The following ATRN variants were observed in gnomAD, a reference collection of about 807,000 sequenced individuals.
The protein encoded by ATRN is attractin-2.
Under a neutral mutation model 178.7 loss-of-function variants are expected in ATRN, and 54 were observed. That is an observed-to-expected ratio of 0.30 (90% CI 0.24 to 0.38). ATRN has a LOEUF of 0.38. Among genes scored for constraint, ATRN ranks in the 10% least tolerant of loss-of-function variants. ATRN has a pLI of 1.00. For missense variants in ATRN, 1,443 were observed against 1,815.1 expected, an observed-to-expected ratio of 0.79 and a Z score of 3.73; for synonymous variants, 636 against 663.0, an observed-to-expected ratio of 0.96 and a Z score of 0.63.
chr20:3,590,498 C>CTG (rs1260031138), intron 18 of ATRN, among the ~76,000 whole-genome samples: 1 of 152,206 alleles, frequency 6.6e-6, no homozygotes, highest in Non-Finnish European at 1.5e-5. Context: ...GTCCAAGCTT[C>CTG]ATATACCTTT....
Position 3,476,711 on chromosome 20 carries a change from T to TTAGCCAG in ATRN, c.410+5195_410+5201dup, listed in dbSNP as rs796996563. ...CCGTCTCCACTAAAAATTCAAAAAA[T>TTAGCCAG]TAGCCAGGCATGGTGGCGAGCGCCT... On this transcript the variant is annotated intron_variant, in intron 1 of 28. Coordinates refer to ENST00000262919, the MANE Select transcript of ATRN (RefSeq NM_139321.3). 3.3e-5 allele frequency among the ~76,000 whole-genome samples: 5 copies of TTAGCCAG among 152,170 alleles called. No individual in the cohort carries two copies. In the South Asian group the frequency reaches 1.0e-3, roughly 32 times the overall value.
At chr20:3,574,704 T>C (rs1218627234) in intron 12 of ATRN, among the ~76,000 whole-genome samples, 3 of 152,214 alleles carry the variant, frequency 2.0e-5, no homozygotes, top group Non-Finnish European at 4.4e-5. Context: ...TTATAGGAAA[T>C]AGTGTTGAAT....
chr20:3,493,148 G>GTA (rs961002417), intron 1 of ATRN, among the ~76,000 whole-genome samples: 12 of 116,708 alleles, frequency 1.0e-4, no homozygotes, highest in African/African-American at 3.7e-4. Context: ...GTGTGTGTGT[G>GTA]TATAATTAAA....
At chr20:3,634,422 C>T in intron 26 of ATRN, 33 bp downstream of exon 26, 1 of 1,580,444 alleles carries the variant, frequency 6.3e-7, no homozygotes, top group Non-Finnish European at 8.7e-7. Context: ...TAAAGAATCC[C>T]TGGAAGAGCT....
intron 3 of ATRN, among the ~76,000 whole-genome samples, chr20:3,543,947 T>A (rs2085661674): frequency 6.6e-6 from 1 of 152,110 alleles, no homozygotes; most frequent in South Asian, 2.1e-4. Flanking sequence ...GGTGGGAAGA[T>A]TTCTTGAGCC....
At chr20:3,551,828 C>T (rs1313640816) in intron 6 of ATRN, among the ~76,000 whole-genome samples, 1 of 152,136 alleles carries the variant, frequency 6.6e-6, no homozygotes, top group Non-Finnish European at 1.5e-5. Flanking sequence ...TCCCCTTCAC[C>T]TATATCTGTG....
chr20:3,525,939 A>G (rs1466941458), intron 1 of ATRN, among the ~76,000 whole-genome samples: 1 of 152,236 alleles, frequency 6.6e-6, no homozygotes, highest in African/African-American at 2.4e-5. Context: ...CCCACAGCCA[A>G]TATCATACTG....
Position 3,644,202 on chromosome 20 carries a change from G to A in ATRN, c.4099G>A (p.Ala1367Thr), listed in dbSNP as rs150056234. ...ALEPCFGNKA[A>T]VLSVFVRLPR... is the part of the protein sequence containing the mutation. ...GGAGCCGTGTTTTGGCAACAAAGCC[G>A]CTGTCCTCTCTGTGTTTGTGAGGCT... The change falls in exon 28 of 29, where the codon GCT becomes ACT. Residue 1367 changes from alanine (A) to threonine (T), a missense_variant. Around this residue, in one of 4 missense-constraint regions of ATRN, gnomAD observed 289 missense variants for 440.8 expected, o/e 0.66. Transcript: ENST00000262919. 20 of 1,614,062 alleles carry A rather than the reference G, an allele frequency of 1.2e-5. No homozygotes were observed. Among genetic ancestry groups the A allele is most frequent in the Admixed American group, 1.7e-5 (1 of 60,010 alleles).
At chr20:3,537,517 A>AT (rs150337893) in intron 2 of ATRN, among the ~76,000 whole-genome samples, 39,729 of 145,988 alleles carry the variant, frequency 0.27, 5,873 homozygotes, top group African/African-American at 0.34. Context: ...TTTTTATTTT[A>AT]TTTTTTTATT....
chr20:3,549,232 A>G lies in ATRN; in HGVS notation c.1006A>G (p.Asn336Asp), dbSNP rs764474867. 44 of 1,611,156 alleles carry G rather than the reference A, an allele frequency of 2.7e-5. No homozygotes were observed. The highest frequency in any genetic ancestry group is 3.6e-5 in the Non-Finnish European group (43 of 1,178,888). ...ATTTTGGACTCGAGAGGAATATTCT[A>G]ACTTAAAGCTCCCCAGAGCATCTCA... ...QSFWTREEYS[N>D]LKLPRASHKA... The change falls in exon 6 of 29, where the codon AAC becomes GAC. Residue 336 changes from asparagine (N) to aspartate (D), a missense_variant. Asn to Asp is a conservative substitution (Grantham distance 23). This residue lies in a region of ATRN where 862 missense variants were observed against 972.1 expected (regional missense o/e 0.89). Transcript: ENST00000262919.
intron 24 of ATRN, among the ~76,000 whole-genome samples, chr20:3,620,751 T>C (rs146568426): frequency 6.6e-5 from 10 of 152,316 alleles, no homozygotes; most frequent in Non-Finnish European, 1.3e-4. Context: ...GGTAGGAAGT[T>C]ACCTTTTCAT....
intron 25 of ATRN, among the ~76,000 whole-genome samples, chr20:3,627,480 A>G (rs2086951412): frequency 6.6e-6 from 1 of 152,236 alleles, no homozygotes; most frequent in Non-Finnish European, 1.5e-5. Context: ...TTAATGATCT[A>G]AGGGAAGAAG....
intron 1 of ATRN, among the ~76,000 whole-genome samples, chr20:3,497,469 T>A (rs1234378852): frequency 1.3e-5 from 2 of 152,160 alleles, no homozygotes; most frequent in Non-Finnish European, 2.9e-5. Context: ...TTCTTTTCTT[T>A]AAGATTGTTG....
At chr20:3,550,787 C>G (rs1203939206) in intron 6 of ATRN, among the ~76,000 whole-genome samples, 2 of 152,146 alleles carry the variant, frequency 1.3e-5, no homozygotes, top group African/African-American at 4.8e-5. Context: ...ACACATCCCC[C>G]TTCCCTCTGG....
chr20:3,476,148 A>C (rs561242969), intron 1 of ATRN, among the ~76,000 whole-genome samples: 18 of 152,356 alleles, frequency 1.2e-4, no homozygotes, highest in African/African-American at 4.1e-4. Context: ...CTTGTCACAA[A>C]AAAACAAAGC....
At chr20:3,507,675 C>G (rs2085065101) in intron 1 of ATRN, among the ~76,000 whole-genome samples, 1 of 150,444 alleles carries the variant, frequency 6.6e-6, no homozygotes, top group Non-Finnish European at 1.5e-5. Flanking sequence ...TGCTAACAAC[C>G]AAAGACAAAG....
At position 3,645,674 on chromosome 20, in the gene ATRN, AC is replaced by A. The variant is rs71195849; in HGVS notation, c.4166-1044del. Among the ~76,000 whole-genome samples, 19,048 of 151,984 alleles carry A rather than the reference AC, an allele frequency of 0.13. 1,489 individuals carry two copies. The highest frequency in any genetic ancestry group is 0.18 in the Non-Finnish European group (11,932 of 67,976). On this transcript the variant is annotated intron_variant, in intron 28 of 28. Transcript: ENST00000262919. The surrounding 1 kb of genome is among the most constrained non-coding windows in gnomAD (Gnocchi z 4.7). ...GGGCCGTCCTTGCTGCCCCTTCTGT[AC>A]CCCCTGTTTTAAGTGGTGCCCTTTT...
Position 3,538,692 on chromosome 20 carries a change from C to T in ATRN, c.495-1530C>T, listed in dbSNP as rs180904320. Among the ~76,000 whole-genome samples the T allele has an allele frequency of 2.0e-3, 312 of 152,250 alleles. 1 individual carries two copies. The highest frequency in any genetic ancestry group is 0.01 in the Middle Eastern group (3 of 294). ...CAGTTTTCCCTTTGGAATGTCTCCCCAATCCATCACCAGACTGCTTTTCAC... is the reference window on the plus strand; with the variant it reads ...CAGTTTTCCCTTTGGAATGTCTCCCTAATCCATCACCAGACTGCTTTTCAC... On this transcript the variant is annotated intron_variant, in intron 2 of 28. Transcript: ENST00000262919.
chr20:3,638,250 A>G lies in ATRN; in HGVS notation c.3943-578A>G, dbSNP rs968416171. ...TATCTAGGTTTTAAGCCCTGCATGC[A>G]TTTGGTATTTGTCCTAATGCTCTCC... is the stretch of plus-strand genomic sequence containing the variant. On this transcript the variant is annotated intron_variant, in intron 26 of 28. Transcript: ENST00000262919. The surrounding 1 kb of genome is among the most constrained non-coding windows in gnomAD (Gnocchi z 4.5). Among the ~76,000 whole-genome samples the G allele has an allele frequency of 1.3e-5, 2 of 152,022 alleles. No individual in the cohort carries two copies. The highest frequency in any genetic ancestry group is 2.9e-5 in the Non-Finnish European group (2 of 68,014).
Sources: allele counts gnomAD v4.1 joint callset (sites outside exome capture counted in the v4.1 genomes callset), GRCh38; gene constraint gnomAD v4.1.1; regional missense constraint gnomAD v4.1.1; non-coding constraint Gnocchi (gnomAD v3.1); transcripts MANE v1.5; gene names NCBI Gene and HGNC (gene_info 2026-07-23, HGNC 2026-07-21).